Variants in FGF13 observed in about 807,000 individuals in gnomAD.
The protein encoded by FGF13 is fibroblast growth factor 13.
In FGF13, 2 loss-of-function variants were observed where a neutral mutation model predicts 19.5. That is an observed-to-expected ratio of 0.10 (90% confidence interval 0.04 to 0.32). FGF13 has a LOEUF of 0.32. Among genes scored for constraint, FGF13 ranks in the 10% least tolerant of loss-of-function variants. The probability of loss-of-function intolerance (pLI) is 1.00; values close to 1 mark genes in which losing one functional copy is unlikely to be tolerated. For missense variants in FGF13, 113 were observed against 192.7 expected (o/e 0.59, Z 2.45); for synonymous variants, 72 against 76.9 (o/e 0.94, Z 0.33).
At chrX:138,951,408 T>C (rs1271895077) in intron 1 of FGF13, among the ~76,000 whole-genome samples, 1 of 111,647 alleles carries the variant, frequency 9.0e-6, no homozygotes, top group African/African-American at 3.3e-5. Context: ...CATTGATAAA[T>C]TAGGCATCAT....
chrX:138,741,797 TA>T (rs2090320058), upstream of FGF13, among the ~76,000 whole-genome samples: 1 of 112,121 alleles, frequency 8.9e-6, no homozygotes, highest in African/African-American at 3.2e-5. Context: ...CAGAGAATGG[TA>T]GTGCTCACCT....
rs1240566865 is a variant in FGF13, at chrX:139,064,064, T to C, written c.-113+139352A>G. The stretch of plus-strand genomic sequence containing the variant: ...AGGTTCAGGATGGTTATTTTGTGTA[T>C]GAAATTATTCATTGTATCATTAAGT... On this transcript the variant is annotated intron_variant, in intron 1 of 2. Coordinates refer to the FGF13 transcript ENST00000421460. Among the ~76,000 whole-genome samples the C allele has an allele frequency of 2.3e-4, 25 of 111,012 alleles. No homozygotes were observed. The Admixed American group carries it at 2.3e-3, about 10-fold the overall frequency.
chrX:138,942,743 T>C (rs1461251084), intron 1 of FGF13, among the ~76,000 whole-genome samples: 1 of 112,017 alleles, frequency 8.9e-6, no homozygotes, highest in Non-Finnish European at 1.9e-5. Context: ...ATCTCTTTAG[T>C]TCACAACAGG....
intron 3 of FGF13, among the ~76,000 whole-genome samples, chrX:138,834,331 C>G: frequency 9.0e-6 from 1 of 111,226 alleles, no homozygotes. Context: ...TCGGAACCTG[C>G]TATTGGTCTG....
chrX:138,903,738 C>A (rs1359026490), intron 1 of FGF13, among the ~76,000 whole-genome samples: 1 of 111,783 alleles, frequency 8.9e-6, no homozygotes, highest in African/African-American at 3.3e-5. Context: ...AAAATTCTTG[C>A]CTCTTATGAC....
chrX:138,799,496 AGAGT>A (rs1273633568), intron 3 of FGF13, among the ~76,000 whole-genome samples: 3 of 111,461 alleles, frequency 2.7e-5, no homozygotes, highest in African/African-American at 6.5e-5. Flanking sequence ...GGTCAATTTT[AGAGT>A]AAGTGTTATG....
At chrX:138,777,422 A>AGG (rs747906955) in intron 3 of FGF13, among the ~76,000 whole-genome samples, 1 of 111,895 alleles carries the variant, frequency 8.9e-6, no homozygotes, top group Non-Finnish European at 1.9e-5. Flanking sequence ...AACAGCAACC[A>AGG]GGGGATTTCT....
intron 1 of FGF13, among the ~76,000 whole-genome samples, chrX:139,165,151 T>C (rs778617983): frequency 6.6e-4 from 74 of 112,401 alleles, no homozygotes; most frequent in Non-Finnish European, 1.2e-3. Flanking sequence ...ATGGCATCCT[T>C]GTTACACAGT....
At position 138,711,081 on chromosome X, in the gene FGF13, T is replaced by G. The variant is rs894440926; in HGVS notation, c.-78A>C. The G allele has an allele frequency of 1.5e-4, 180 of 1,173,190 alleles. No homozygotes were observed. The highest frequency in any genetic ancestry group is 1.9e-4 in the Non-Finnish European group (167 of 880,471). ...CTCCTCCTCCTTCTCCTCCGCTGCT[T>G]GTCCGCTGTCTCGCGACTTCGCCGC... On this transcript the variant is annotated 5_prime_UTR_variant, in exon 1 of 5. Transcript: ENST00000315930.
intron 1 of FGF13, among the ~76,000 whole-genome samples, chrX:138,730,424 G>A (rs1460034906): frequency 9.0e-6 from 1 of 111,576 alleles, no homozygotes; most frequent in Non-Finnish European, 1.9e-5. Flanking sequence ...ATTGTAATGA[G>A]AGGTTTATAG....
intron 1 of FGF13, among the ~76,000 whole-genome samples, chrX:139,152,099 C>T (rs2148247825): frequency 9.0e-6 from 1 of 111,199 alleles, no homozygotes; most frequent in East Asian, 2.9e-4. Flanking sequence ...TTAACAGAGA[C>T]TGGGTAACAG....
chrX:139,031,246 C>T (rs138645260), intron 1 of FGF13, among the ~76,000 whole-genome samples: 3,390 of 111,113 alleles, frequency 0.031, 138 homozygotes, highest in African/African-American at 0.1. Flanking sequence ...AGATTCTATA[C>T]CTAAAACCCA....
intron 1 of FGF13, among the ~76,000 whole-genome samples, chrX:139,095,092 A>G (rs542816269): frequency 8.9e-6 from 1 of 112,177 alleles, no homozygotes; most frequent in South Asian, 3.7e-4. Flanking sequence ...TTCCTTTCAG[A>G]TAGTTGTCTG....
At chrX:138,684,791 G>A (rs1448066787) in intron 3 of FGF13, among the ~76,000 whole-genome samples, 1 of 111,151 alleles carries the variant, frequency 9.0e-6, no homozygotes, top group Non-Finnish European at 1.9e-5. Flanking sequence ...TATTTACAAC[G>A]GACTTAATGA....
In FGF13 at chrX:138,874,433, C is replaced by CT. The variant is rs951035240; in HGVS notation, c.-112-9784dup. On this transcript the variant is annotated intron_variant, in intron 1 of 2. Coordinates refer to the FGF13 transcript ENST00000421460. The stretch of plus-strand genomic sequence containing the variant: ...TGCCTAGAGGGCAATTCTTTCTTCT[C>CT]TTTTTTTTCCCCAACGGCTTTTTGT... Among the ~76,000 whole-genome samples the CT allele has an allele frequency of 1.6e-4, 18 of 110,047 alleles. No homozygotes were observed. The East Asian group carries it at 4.9e-3, about 30-fold the overall frequency.
At chrX:138,955,088 A>C (rs751746003) in intron 1 of FGF13, among the ~76,000 whole-genome samples, 20 of 112,684 alleles carry the variant, frequency 1.8e-4, no homozygotes, top group Non-Finnish European at 3.4e-4. Flanking sequence ...AGATCTCCTC[A>C]ATCAGACTGT....
chrX:138,978,496 T>C (rs1276205346), intron 1 of FGF13, among the ~76,000 whole-genome samples: 8 of 110,801 alleles, frequency 7.2e-5, no homozygotes. Context: ...TCTCCTGACC[T>C]CGTGATCCGC....
At chrX:138,964,330 C>A (rs1309958654) in intron 1 of FGF13, among the ~76,000 whole-genome samples, 2 of 111,605 alleles carry the variant, frequency 1.8e-5, no homozygotes, top group South Asian at 7.6e-4. Context: ...TCTGACCCCC[C>A]ACTATTTTTC....
chrX:138,929,434 G>A (rs2091690280), intron 1 of FGF13, among the ~76,000 whole-genome samples: 2 of 111,130 alleles, frequency 1.8e-5, no homozygotes, highest in African/African-American at 3.3e-5. Context: ...TGTAATCATG[G>A]ACTCTTCCAA....
Sources: gnomAD v4.1 joint callset for allele counts (sites outside exome capture counted in the v4.1 genomes callset) on GRCh38, gnomAD v4.1.1 for gene constraint, MANE v1.5 for transcripts, NCBI Gene and HGNC (gene_info 2026-07-23, HGNC 2026-07-21) for gene names.